Variants in DENND1B observed in about 807,000 individuals in gnomAD.
DENND1B encodes the protein DENN domain-containing protein 1B.
DENND1B carries 59 observed loss-of-function variants against 90.1 expected under a neutral mutation model. The ratio of observed to expected loss-of-function variants is 0.65; its 90% confidence interval spans 0.53 to 0.81. The LOEUF (loss-of-function observed/expected upper bound fraction) is 0.81. Ranked by LOEUF, DENND1B falls within the 40% of genes least tolerant of loss-of-function variation. The pLI is 0.00. For missense variants in DENND1B, 862 were observed against 912.6 expected (o/e 0.94, Z 0.71); for synonymous variants, 337 against 324.6 (o/e 1.04, Z -0.41).
At chr1:197,724,327 CCTTT>C (rs1224390591) in intron 2 of DENND1B, among the ~76,000 whole-genome samples, 4 of 151,830 alleles carry the variant, frequency 2.6e-5, no homozygotes, top group Non-Finnish European at 5.9e-5. Context: ...CCATGCATGA[CCTTT>C]CTTTCAGGAT....
chr1:197,698,787 A>C (rs1157907895), intron 3 of DENND1B, among the ~76,000 whole-genome samples: 11 of 152,194 alleles, frequency 7.2e-5, no homozygotes, highest in Admixed American at 6.5e-4. Flanking sequence ...AAACACCTCT[A>C]TGCAAATAAA....
At chr1:197,721,299 G>C (rs186326651) in intron 2 of DENND1B, among the ~76,000 whole-genome samples, 2 of 151,966 alleles carry the variant, frequency 1.3e-5, no homozygotes, top group Admixed American at 6.5e-5. Context: ...TCGATCTCCT[G>C]ACCTCGTGAT....
chr1:197,574,799 C>T (rs1043898010), intron 15 of DENND1B, among the ~76,000 whole-genome samples: 1 of 152,126 alleles, frequency 6.6e-6, no homozygotes, highest in Non-Finnish European at 1.5e-5. Flanking sequence ...ACAACTACAA[C>T]CATCTGATCT....
At chr1:197,685,608 A>G (rs910284487) in intron 3 of DENND1B, 2 of 152,168 alleles carry the variant, frequency 1.3e-5, no homozygotes, top group East Asian at 1.9e-4. Flanking sequence ...AAAAATGCAC[A>G]TGCCCATTAA....
chr1:197,642,860 T>C (rs757585212), intron 9 of DENND1B, 39 bp from the exon 10 acceptor site: 22 of 1,449,362 alleles, frequency 1.5e-5, no homozygotes, highest in East Asian at 2.3e-5. Context: ...TTACAGCTCA[T>C]AGTGAATGTG....
rs202013434 is a variant in DENND1B, at chr1:197,666,985, T to G, written c.296+5052A>C. The stretch of plus-strand genomic sequence containing the variant: ...CCCGTCTCTACCAAAAATACAAAAA[T>G]TAGCTGGGCGTGGTGGCGCAGGTCT... On this transcript the variant is annotated intron_variant, in intron 5 of 22. Transcript: ENST00000620048. 2.6e-5 allele frequency among the ~76,000 whole-genome samples: 4 copies of G among 151,998 alleles called. No homozygotes were observed. In the East Asian group the frequency reaches 5.8e-4, roughly 22 times the overall value.
intron 3 of DENND1B, among the ~76,000 whole-genome samples, chr1:197,679,512 T>C (rs1407321407): frequency 6.6e-6 from 1 of 151,748 alleles, no homozygotes; most frequent in Non-Finnish European, 1.5e-5. Flanking sequence ...TCCCATTTTA[T>C]ATAAAGGACT....
At chr1:197,609,782 CAA>C (rs1193626290) in intron 12 of DENND1B, among the ~76,000 whole-genome samples, 2 of 149,098 alleles carry the variant, frequency 1.3e-5, no homozygotes, top group Non-Finnish European at 3.0e-5. Context: ...CTCTCTTGAC[CAA>C]GAGAGAGGGA....
chr1:197,682,667 A>G (rs1388475260), intron 3 of DENND1B, among the ~76,000 whole-genome samples: 1 of 152,176 alleles, frequency 6.6e-6, no homozygotes, highest in African/African-American at 2.4e-5. Context: ...ATGTAAATAG[A>G]GAAATGAAGA....
At chr1:197,607,996 CATTA>C (rs555914814) in intron 12 of DENND1B, among the ~76,000 whole-genome samples, 2 of 150,494 alleles carry the variant, frequency 1.3e-5, no homozygotes, top group Admixed American at 6.6e-5. Flanking sequence ...AATAAGTGCT[CATTA>C]ATTAAATACA....
At chr1:197,609,353 T>G (rs796557446) in intron 12 of DENND1B, among the ~76,000 whole-genome samples, 1 of 150,574 alleles carries the variant, frequency 6.6e-6, no homozygotes, top group Non-Finnish European at 1.5e-5. Flanking sequence ...AGCAATCACA[T>G]GATCTTATAA....
intron 5 of DENND1B, among the ~76,000 whole-genome samples, chr1:197,661,209 C>T (rs1160105187): frequency 6.6e-6 from 1 of 152,002 alleles, no homozygotes; most frequent in African/African-American, 2.4e-5. Flanking sequence ...TGTGTATCTT[C>T]CACTTACAAA....
intron 15 of DENND1B, among the ~76,000 whole-genome samples, chr1:197,555,952 C>T (rs1426512338): frequency 2.6e-5 from 4 of 152,058 alleles, no homozygotes; most frequent in Admixed American, 2.6e-4. Context: ...TGGATTCAAC[C>T]CAGCTGCCTT....
At chr1:197,612,112 A>C in intron 11 of DENND1B, 136 bp from the exon 12 acceptor site, 1 of 540,040 alleles carries the variant, frequency 1.9e-6, no homozygotes. Context: ...AGATATTCAA[A>C]ATTATTCAAT....
intron 2 of DENND1B, among the ~76,000 whole-genome samples, chr1:197,770,737 A>T (rs1247298262): frequency 7.2e-6 from 1 of 139,722 alleles, no homozygotes; most frequent in Admixed American, 7.5e-5. Flanking sequence ...AATATATATA[A>T]ATATATATAT....
At chr1:197,530,498 T>C (rs971002707) in intron 20 of DENND1B, among the ~76,000 whole-genome samples, 1 of 152,168 alleles carries the variant, frequency 6.6e-6, no homozygotes, top group Non-Finnish European at 1.5e-5. Context: ...AACTTATAAA[T>C]AAGATATTTC....
intron 3 of DENND1B, among the ~76,000 whole-genome samples, chr1:197,677,888 G>A (rs755283913): frequency 2.6e-5 from 4 of 152,108 alleles, no homozygotes; most frequent in Admixed American, 1.3e-4. Flanking sequence ...GGCTAAATTC[G>A]TTGGCTTTTT....
intron 9 of DENND1B, among the ~76,000 whole-genome samples, chr1:197,643,089 T>C (rs1484943042): frequency 6.6e-6 from 1 of 152,132 alleles, no homozygotes; most frequent in African/African-American, 2.4e-5. Context: ...CGCTAAGTAT[T>C]TGAAAAGAAG....
intron 3 of DENND1B, among the ~76,000 whole-genome samples, chr1:197,707,745 C>A (rs998845333): frequency 6.7e-6 from 1 of 148,414 alleles, no homozygotes; most frequent in Non-Finnish European, 1.5e-5. Context: ...CGAATAGGAA[C>A]AGCTCCGGTC....
Sources: gnomAD v4.1 joint callset for allele counts (sites outside exome capture counted in the v4.1 genomes callset) on GRCh38, gnomAD v4.1.1 for gene constraint, MANE v1.5 for transcripts, NCBI Gene and HGNC (gene_info 2026-07-23, HGNC 2026-07-21) for gene names.